GUCY1A2: variants seen among roughly 807,000 people sequenced by gnomAD.
The protein encoded by GUCY1A2 is guanylate cyclase soluble subunit alpha-2.
In GUCY1A2, 27 loss-of-function variants were observed where a neutral mutation model predicts 63.5. The observed-to-expected ratio is 0.43, with a 90% CI of 0.31 to 0.59. The LOEUF is 0.59. Ranked by LOEUF, GUCY1A2 falls within the 20% of genes least tolerant of loss-of-function variation. The pLI is 0.11. For missense variants in GUCY1A2, 768 were observed against 913.3 expected, an observed-to-expected ratio of 0.84 and a Z score of 2.05; for synonymous variants, 364 against 343.5, an observed-to-expected ratio of 1.06 and a Z score of -0.66.
intron 6 of GUCY1A2, 97 bp from the exon 7 acceptor site, chr11:106,708,763 A>T (rs985138705): frequency 9.4e-5 from 66 of 705,390 alleles, no homozygotes; most frequent in Non-Finnish European, 1.2e-4. Context: ...TAATAATAAT[A>T]AAAAAAAACT....
intron 3 of GUCY1A2, among the ~76,000 whole-genome samples, chr11:106,966,052 A>G (rs909986944): frequency 1.5e-4 from 23 of 152,182 alleles, no homozygotes; most frequent in African/African-American, 5.5e-4. Context: ...TATCGTTAAC[A>G]TATTATTTAA....
intron 6 of GUCY1A2, among the ~76,000 whole-genome samples, chr11:106,740,699 G>C (rs1477020204): frequency 3.5e-5 from 4 of 114,924 alleles, no homozygotes; most frequent in Admixed American, 8.9e-5. Flanking sequence ...TTTAGAGACA[G>C]AGTTTAGCTC....
chr11:107,009,051 A>G (rs1184907208), intron 1 of GUCY1A2, among the ~76,000 whole-genome samples: 2 of 152,228 alleles, frequency 1.3e-5, no homozygotes, highest in Admixed American at 1.3e-4. Flanking sequence ...CTTTCATGAT[A>G]GATTATTAGA....
intron 7 of GUCY1A2, among the ~76,000 whole-genome samples, chr11:106,698,879 G>A (rs1224146477): frequency 6.6e-6 from 1 of 152,088 alleles, no homozygotes; most frequent in Admixed American, 6.5e-5. Context: ...TATTTAATCA[G>A]TCAGTAGTGA....
At chr11:106,869,233 G>A (rs1174894119) in intron 4 of GUCY1A2, among the ~76,000 whole-genome samples, 1 of 152,242 alleles carries the variant, frequency 6.6e-6, no homozygotes, top group South Asian at 2.1e-4. Flanking sequence ...AAAAGCAATG[G>A]CAACAAATGC....
At chr11:107,008,570 T>C (rs1861703369) in intron 1 of GUCY1A2, among the ~76,000 whole-genome samples, 1 of 152,208 alleles carries the variant, frequency 6.6e-6, no homozygotes, top group Non-Finnish European at 1.5e-5. Flanking sequence ...CAATCATTTA[T>C]TCATTCTTTT....
At chr11:106,990,469 C>T (rs991888178) in intron 1 of GUCY1A2, among the ~76,000 whole-genome samples, 2 of 152,338 alleles carry the variant, frequency 1.3e-5, no homozygotes, top group Non-Finnish European at 2.9e-5. Context: ...AGCAGCTGGC[C>T]CTGCAGGCTC....
In GUCY1A2 at chr11:106,708,618, C is replaced by T. The variant is rs1165477501; in HGVS notation, c.1885G>A (p.Val629Met). 2 of 1,612,022 alleles carry T rather than the reference C, an allele frequency of 1.2e-6. No individual in the cohort carries two copies. The highest frequency in any genetic ancestry group is 2.2e-5 in the East Asian group (1 of 44,722). The part of the protein sequence containing the change: ...SGSVLAGVVG[V>M]RMPRYCLFGN... ...AACAGGCAATAACGTGGCATTCGCA[C>T]CCCAACAACTCCAGCCAGCACGGAG... The change falls in exon 7 of 8, where the codon GTG becomes ATG. Residue 629 changes from valine to methionine, a missense_variant. Physicochemically the swap from Val to Met is conservative, Grantham distance 21 (BLOSUM62 1). Around this residue, in one of 3 missense-constraint regions of GUCY1A2, gnomAD observed 150 missense variants for 188.3 expected, o/e 0.80. Transcript: ENST00000526355.
At chr11:106,716,803 T>TA (rs1319055137) in intron 6 of GUCY1A2, among the ~76,000 whole-genome samples, 1 of 123,698 alleles carries the variant, frequency 8.1e-6, no homozygotes, top group Admixed American at 8.5e-5. Context: ...AAGATAAGAG[T>TA]AAATCTCAGG....
chr11:106,806,064 G>T (rs1858679550), intron 5 of GUCY1A2, among the ~76,000 whole-genome samples: 1 of 151,780 alleles, frequency 6.6e-6, no homozygotes, highest in Admixed American at 6.6e-5. Flanking sequence ...GGGCCTACTA[G>T]GTATGTGTGT....
At chr11:106,917,680 A>AACT (rs1213449452) in intron 4 of GUCY1A2, among the ~76,000 whole-genome samples, 1 of 141,760 alleles carries the variant, frequency 7.1e-6, no homozygotes, top group African/African-American at 2.5e-5. Context: ...ATTCTCAGTA[A>AACT]ACTATCACAA....
chr11:106,973,104 C>G lies in GUCY1A2; in HGVS notation c.487+5515G>C, dbSNP rs540052771. Reference sequence around the variant, plus strand: ...GCAGAGAGCAGAATACAGAAGTTGTCTCTAATTTACACAGAGCCACTACCT... The same window carrying G: ...GCAGAGAGCAGAATACAGAAGTTGTGTCTAATTTACACAGAGCCACTACCT... On this transcript the variant is annotated intron_variant, in intron 3 of 7. Transcript: ENST00000526355. 1.8e-4 allele frequency among the ~76,000 whole-genome samples: 28 copies of G among 152,150 alleles called. 1 individual carries two copies. In the South Asian group the frequency reaches 5.6e-3, roughly 30 times the overall value.
intron 6 of GUCY1A2, among the ~76,000 whole-genome samples, chr11:106,714,033 A>AAAAAC (rs1555022586): frequency 6.6e-6 from 1 of 151,720 alleles, no homozygotes; most frequent in African/African-American, 2.4e-5. Flanking sequence ...TTAAAAAAAA[A>AAAAAC]AAACAAACTC....
chr11:107,014,604 C>T (rs777009027), intron 1 of GUCY1A2, among the ~76,000 whole-genome samples: 1 of 152,222 alleles, frequency 6.6e-6, no homozygotes. Flanking sequence ...TACTCAACAT[C>T]GGTGCATCTT....
At position 106,944,174 on chromosome 11, in the gene GUCY1A2, C is replaced by A. The variant is rs114448842; in HGVS notation, c.488-3996G>T. On this transcript the variant is annotated intron_variant, in intron 3 of 7. Coordinates refer to ENST00000526355, the MANE Select transcript of GUCY1A2 (RefSeq NM_000855.3). ...AGGTAGCAGTGACCCGTGATCATAC[C>A]ACTGCACTCCAGCCTGGGCAACAGA... 8.0e-3 allele frequency among the ~76,000 whole-genome samples: 940 copies of A among 117,336 alleles called. 10 individuals carry two copies. Among genetic ancestry groups the A allele is most frequent in the African/African-American group, 0.029 (868 of 30,120 alleles). 77.0% of individuals were successfully genotyped at this position (117,336 alleles called of 152,430 possible).
At chr11:106,868,743 T>C (rs1248321951) in intron 4 of GUCY1A2, among the ~76,000 whole-genome samples, 2 of 152,122 alleles carry the variant, frequency 1.3e-5, no homozygotes, top group African/African-American at 2.4e-5. Flanking sequence ...CTTCACAGAA[T>C]TGGAAAAAAC....
intron 3 of GUCY1A2, among the ~76,000 whole-genome samples, chr11:106,965,496 G>A (rs540113825): frequency 4.6e-5 from 7 of 152,270 alleles, no homozygotes; most frequent in African/African-American, 1.7e-4. Context: ...ACAACAGCAA[G>A]AGAAAGCTTA....
chr11:106,698,434 C>G (rs1862760650), intron 7 of GUCY1A2, among the ~76,000 whole-genome samples: 1 of 151,680 alleles, frequency 6.6e-6, no homozygotes, highest in African/African-American at 2.4e-5. Context: ...GATGTCAGAA[C>G]TATAATAATT....
intron 2 of GUCY1A2, 134 bp downstream of exon 2, chr11:106,985,936 C>T (rs1861394937): frequency 1.5e-6 from 1 of 650,506 alleles, no homozygotes; most frequent in Non-Finnish European, 2.8e-6. Flanking sequence ...AGCCTTCACG[C>T]CCCACACTAT....
Sources: gnomAD v4.1 joint callset for allele counts (sites outside exome capture counted in the v4.1 genomes callset) on GRCh38, gnomAD v4.1.1 for gene constraint, gnomAD v4.1.1 regional missense constraint, MANE v1.5 for transcripts, NCBI Gene and HGNC (gene_info 2026-07-23, HGNC 2026-07-21) for gene names.